Variants in CSMD1 observed in about 807,000 individuals in gnomAD.
CSMD1 encodes CUB and Sushi multiple domains 1.
In CSMD1, 213 loss-of-function variants were observed where a neutral mutation model predicts 417.5. The ratio of observed to expected loss-of-function variants is 0.51; its 90% CI spans 0.46 to 0.57. CSMD1 has a LOEUF of 0.57. Ranked by LOEUF, CSMD1 falls within the 20% of genes least tolerant of loss-of-function variation. The pLI is 0.00. For missense variants in CSMD1, 6,923 were observed against 4,529.7 expected, an observed-to-expected ratio of 1.53 and a Z score of -15.17; for synonymous variants, 2,862 against 1,736.8, an observed-to-expected ratio of 1.65 and a Z score of -16.11.
At chr8:3,721,393 T>TA (rs1468824456) in intron 6 of CSMD1, among the ~76,000 whole-genome samples, 2 of 152,170 alleles carry the variant, frequency 1.3e-5, no homozygotes, top group Non-Finnish European at 2.9e-5. Context: ...CCCAGGTTTT[T>TA]AGGATCAGTC....
At chr8:3,519,325 C>T (rs890056746) in intron 10 of CSMD1, among the ~76,000 whole-genome samples, 5 of 152,056 alleles carry the variant, frequency 3.3e-5, no homozygotes, top group Non-Finnish European at 7.4e-5. Flanking sequence ...TAGCTCCAAC[C>T]CCAAATAAAA....
At chr8:3,308,000 G>A (rs1219370525) in intron 24 of CSMD1, among the ~76,000 whole-genome samples, 179 bp from the exon 25 acceptor site, 3 of 152,018 alleles carry the variant, frequency 2.0e-5, no homozygotes, top group Non-Finnish European at 2.9e-5. Context: ...TCTGTGGAAA[G>A]TCTTTATCCT....
intron 5 of CSMD1, among the ~76,000 whole-genome samples, chr8:3,920,102 T>C (rs972083629): frequency 6.6e-6 from 1 of 152,136 alleles, no homozygotes; most frequent in African/African-American, 2.4e-5. Context: ...GGTGCAATCA[T>C]AGCTCACTGA....
intron 5 of CSMD1, among the ~76,000 whole-genome samples, chr8:3,985,851 C>G (rs1814284964): frequency 1.3e-5 from 2 of 151,242 alleles, no homozygotes; most frequent in South Asian, 2.1e-4. Context: ...TACCCTAGGT[C>G]TGTCTGAGCA....
intron 3 of CSMD1, among the ~76,000 whole-genome samples, chr8:4,175,702 G>A (rs1563225646): frequency 1.3e-5 from 2 of 152,106 alleles, no homozygotes; most frequent in South Asian, 4.1e-4. Context: ...TCACAGAAGG[G>A]AGAATTTTAT....
chr8:3,973,697 G>A (rs889761211), intron 5 of CSMD1, among the ~76,000 whole-genome samples: 1 of 152,310 alleles, frequency 6.6e-6, no homozygotes, highest in East Asian at 1.9e-4. Context: ...AGGTGTGAAT[G>A]CAAGACCTTT....
intron 1 of CSMD1, among the ~76,000 whole-genome samples, chr8:4,809,177 C>T (rs185363401): frequency 3.6e-4 from 55 of 152,248 alleles, no homozygotes; most frequent in East Asian, 1.9e-4. Context: ...GATAAATACA[C>T]GTCTTGATAT....
intron 6 of CSMD1, among the ~76,000 whole-genome samples, chr8:3,751,338 A>C (rs866163581): frequency 0.086 from 12,173 of 141,500 alleles, 662 homozygotes; most frequent in East Asian, 0.15. Context: ...ATATATATAT[A>C]TATACACGAA....
intron 2 of CSMD1, among the ~76,000 whole-genome samples, chr8:4,614,622 CACACGT>C (rs1801372552): frequency 6.6e-6 from 1 of 152,082 alleles, no homozygotes; most frequent in Admixed American, 6.6e-5. Flanking sequence ...TGACCACACA[CACACGT>C]ACACGTACAC....
At chr8:3,634,616 C>T (rs563942443) in intron 7 of CSMD1, among the ~76,000 whole-genome samples, 2 of 152,100 alleles carry the variant, frequency 1.3e-5, no homozygotes, top group Non-Finnish European at 2.9e-5. Context: ...CTCTGTGCAG[C>T]CTTCTATCAA....
intron 5 of CSMD1, among the ~76,000 whole-genome samples, chr8:3,828,261 G>C (rs1480386225): frequency 6.6e-6 from 1 of 152,120 alleles, no homozygotes; most frequent in Non-Finnish European, 1.5e-5. Context: ...CGTTATGTAA[G>C]ATCTGATGGC....
intron 49 of CSMD1, among the ~76,000 whole-genome samples, chr8:3,075,660 G>C (rs1211600850): frequency 2.0e-5 from 3 of 152,012 alleles, no homozygotes; most frequent in African/African-American, 4.8e-5. Context: ...CTTTATATCA[G>C]TTTTGTGGGT....
At chr8:3,635,478 C>G (rs1796991234) in intron 7 of CSMD1, among the ~76,000 whole-genome samples, 1 of 146,978 alleles carries the variant, frequency 6.8e-6, no homozygotes, top group East Asian at 2.1e-4. Flanking sequence ...AGCAAGACTC[C>G]ATCTCTTTTT....
intron 2 of CSMD1, among the ~76,000 whole-genome samples, chr8:4,461,999 C>T (rs1157818814): frequency 6.6e-6 from 1 of 151,994 alleles, no homozygotes; most frequent in Non-Finnish European, 1.5e-5. Context: ...CCTCGGCCTC[C>T]CAAATTGCTG....
At chr8:4,788,097 G>C (rs1309802396) in intron 1 of CSMD1, 23 of 1,603,380 alleles carry the variant, frequency 1.4e-5, no homozygotes, top group East Asian at 2.2e-5. Context: ...TTTGAAATCA[G>C]AAAGTCAGTG....
chr8:4,930,722 G>C (rs535410144), intron 1 of CSMD1, among the ~76,000 whole-genome samples: 1 of 152,194 alleles, frequency 6.6e-6, no homozygotes, highest in East Asian at 1.9e-4. Context: ...CCATATAATT[G>C]TTACTTTTAG....
At chr8:3,391,536 T>G (rs373483519) in intron 17 of CSMD1, among the ~76,000 whole-genome samples, 31 of 152,282 alleles carry the variant, frequency 2.0e-4, no homozygotes, top group African/African-American at 7.5e-4. Flanking sequence ...ACATTCCTCG[T>G]AAAGAATGGC....
At chr8:4,016,738 C>T (rs1282505318) in intron 4 of CSMD1, among the ~76,000 whole-genome samples, 1 of 152,184 alleles carries the variant, frequency 6.6e-6, no homozygotes, top group African/African-American at 2.4e-5. Flanking sequence ...AGCCAAACCA[C>T]CCTCTTGGGT....
intron 1 of CSMD1, among the ~76,000 whole-genome samples, chr8:4,677,903 T>C (rs1805795315): frequency 6.6e-6 from 1 of 152,174 alleles, no homozygotes; most frequent in Non-Finnish European, 1.5e-5. Flanking sequence ...AAGTGTGACA[T>C]TTAATGAACT....
Sources: gnomAD v4.1 joint callset for allele counts (sites outside exome capture counted in the v4.1 genomes callset) on GRCh38, gnomAD v4.1.1 for gene constraint, MANE v1.5 for transcripts, NCBI Gene and HGNC (gene_info 2026-07-23, HGNC 2026-07-21) for gene names.